The following PPP2R5A variants were observed in gnomAD, a reference collection of about 807,000 sequenced individuals.
The protein encoded by PPP2R5A is serine/threonine-protein phosphatase 2A 56 kDa regulatory subunit alpha isoform.
Under a neutral mutation model 64.2 loss-of-function variants are expected in PPP2R5A, and 25 were observed. That is an observed-to-expected ratio of 0.39 (90% confidence interval 0.28 to 0.54). The LOEUF is 0.54. PPP2R5A is among the 20% of genes least tolerant of loss of function. The pLI, the probability that PPP2R5A is intolerant of heterozygous loss-of-function variation, is 0.67. For missense variants in PPP2R5A, 425 were observed against 576.3 expected, an observed-to-expected ratio of 0.74 and a Z score of 2.69; for synonymous variants, 198 against 201.2, an observed-to-expected ratio of 0.98 and a Z score of 0.13.
intron 9 of PPP2R5A, 78 bp from the exon 10 acceptor site, chr1:212,356,872 A>G: frequency 7.4e-7 from 1 of 1,352,964 alleles, no homozygotes; most frequent in Non-Finnish European, 1.0e-6. Context: ...ATGCAGATTA[A>G]CCTTCTCATT....
intron 2 of PPP2R5A, among the ~76,000 whole-genome samples, chr1:212,330,498 A>G (rs1659484156): frequency 6.6e-6 from 1 of 151,924 alleles, no homozygotes; most frequent in African/African-American, 2.4e-5. Flanking sequence ...GAAGTGAGCC[A>G]TGATCACCAC....
chr1:212,357,660 G>A (rs533234798), intron 11 of PPP2R5A, among the ~76,000 whole-genome samples: 62 of 152,136 alleles, frequency 4.1e-4, no homozygotes, highest in Middle Eastern at 3.4e-3. Context: ...AAAATTAGCC[G>A]GGCGTGGTGG....
intron 1 of PPP2R5A, among the ~76,000 whole-genome samples, chr1:212,307,260 G>T (rs1467542326): frequency 2.8e-5 from 4 of 141,116 alleles, no homozygotes; most frequent in Admixed American, 1.4e-4. Context: ...ATTTTTGAGA[G>T]TTTTTTTTTT....
intron 3 of PPP2R5A, among the ~76,000 whole-genome samples, chr1:212,337,994 T>C (rs1411779170): frequency 6.6e-6 from 1 of 152,208 alleles, no homozygotes; most frequent in Admixed American, 6.5e-5. Flanking sequence ...TTGGAAAACA[T>C]TGGTCACCTG....
At chr1:212,343,293 G>C (rs1212810686) in intron 4 of PPP2R5A, among the ~76,000 whole-genome samples, 1 of 152,188 alleles carries the variant, frequency 6.6e-6, no homozygotes, top group Admixed American at 6.5e-5. Context: ...TGGCCCCAAA[G>C]AAAATTGTGA....
intron 1 of PPP2R5A, among the ~76,000 whole-genome samples, chr1:212,296,112 T>G (rs79388349): frequency 9.9e-5 from 15 of 151,344 alleles, no homozygotes; most frequent in Admixed American, 2.6e-4. Context: ...AATGAATTGT[T>G]TGGGAGGAGA....
chr1:212,336,420 T>C (rs7415843), intron 3 of PPP2R5A, among the ~76,000 whole-genome samples: 45,917 of 151,980 alleles, frequency 0.3, 7,436 homozygotes, highest in Non-Finnish European at 0.37. Context: ...CAGCCCAAAA[T>C]ACGATTTTTG....
At chr1:212,327,775 T>TAG (rs1217599987) in intron 1 of PPP2R5A, among the ~76,000 whole-genome samples, 1 of 151,574 alleles carries the variant, frequency 6.6e-6, no homozygotes, top group East Asian at 2.0e-4. Flanking sequence ...GAAAGAGAAG[T>TAG]AGAGAGAGAG....
At chr1:212,310,507 C>A (rs917549772) in intron 1 of PPP2R5A, among the ~76,000 whole-genome samples, 5 of 152,144 alleles carry the variant, frequency 3.3e-5, no homozygotes, top group Admixed American at 3.3e-4. Flanking sequence ...ACTTCTCCCC[C>A]ATCCCCCACA....
chr1:212,329,195 T>C lies in PPP2R5A; in HGVS notation c.242T>C (p.Leu81Pro). ...FCQKLQQCCI[L>P]FDFMDSVSDL... ...CAGAAGTTGCAGCAGTGTTGTATAC[T>C]GTTTGATTTCATGGACTCTGTTTCA... Residue 81 changes from leucine (L) to proline (P), a missense_variant, in exon 2 of 13, where the codon CTG becomes CCG. Around this residue, in one of 4 missense-constraint regions of PPP2R5A, gnomAD observed 140 missense variants for 204.4 expected, o/e 0.68. Coordinates refer to ENST00000261461, the MANE Select transcript of PPP2R5A (RefSeq NM_006243.4). The C allele has an allele frequency of 6.8e-6, 11 of 1,612,926 alleles. No homozygotes were observed. The highest frequency in any genetic ancestry group is 9.3e-6 in the Non-Finnish European group (11 of 1,179,546).
intron 3 of PPP2R5A, among the ~76,000 whole-genome samples, chr1:212,338,786 CAA>C (rs11375782): frequency 1.4e-5 from 2 of 142,494 alleles, no homozygotes; most frequent in Admixed American, 7.0e-5. Flanking sequence ...GACTCTGTCT[CAA>C]AAAAAAAAAA....
chr1:212,297,427 T>C (rs1658718126), intron 1 of PPP2R5A: 1 of 152,126 alleles, frequency 6.6e-6, no homozygotes, highest in Non-Finnish European at 1.5e-5. Flanking sequence ...ACGTTTCTTT[T>C]TGATAACTTG....
intron 1 of PPP2R5A, among the ~76,000 whole-genome samples, chr1:212,323,308 TC>T (rs1480890750): frequency 6.6e-6 from 1 of 152,230 alleles, no homozygotes; most frequent in Non-Finnish European, 1.5e-5. Context: ...CTCTCAGAAT[TC>T]GCTTCAAAGG....
At chr1:212,330,264 A>G (rs1659480545) in intron 2 of PPP2R5A, among the ~76,000 whole-genome samples, 1 of 152,062 alleles carries the variant, frequency 6.6e-6, no homozygotes, top group Admixed American at 6.6e-5. Flanking sequence ...TGGCTCGCTT[A>G]TGCTTGTAAA....
intron 3 of PPP2R5A, among the ~76,000 whole-genome samples, chr1:212,338,314 G>C (rs1218432411): frequency 6.6e-6 from 1 of 152,240 alleles, no homozygotes; most frequent in Non-Finnish European, 1.5e-5. Context: ...GGTATTTTTG[G>C]TGTACAGAAG....
chr1:212,358,560 GTTT>G (rs1385685934), intron 11 of PPP2R5A, 123 bp from the exon 12 acceptor site: 1 of 640,798 alleles, frequency 1.6e-6, no homozygotes. Flanking sequence ...TTGAGCCTCA[GTTT>G]TATCATCTCT....
At chr1:212,342,315 T>C in intron 4 of PPP2R5A, 35 bp downstream of exon 4, 1 of 1,595,642 alleles carries the variant, frequency 6.3e-7, no homozygotes, top group Non-Finnish European at 8.5e-7. Context: ...TCTCATATAT[T>C]CATCTTAGCA....
chr1:212,339,986 G>T (rs1659659514), intron 3 of PPP2R5A, among the ~76,000 whole-genome samples: 3 of 98,780 alleles, frequency 3.0e-5, no homozygotes, highest in African/African-American at 8.6e-5. Context: ...CTCAAGACAT[G>T]CTGCTTAAAA....
chr1:212,285,674 G>C lies in PPP2R5A; in HGVS notation c.-437G>C, dbSNP rs2102407206. ...TGAGAGGAGGCTCCAGGCAGGGCGGGCTGCGCTGGCAGCGGCCGCTGAGGT... is the reference window on the plus strand; with the variant it reads ...TGAGAGGAGGCTCCAGGCAGGGCGGCCTGCGCTGGCAGCGGCCGCTGAGGT... On this transcript the variant is annotated 5_prime_UTR_variant, in exon 1 of 13. Coordinates refer to ENST00000261461, the MANE Select transcript of PPP2R5A (RefSeq NM_006243.4). 6.4e-6 allele frequency: 1 copy of C among 155,462 alleles called. No homozygotes were observed. Among genetic ancestry groups the C allele is most frequent in the East Asian group, 1.9e-4 (1 of 5,320 alleles). 9.6% of individuals were successfully genotyped at this position (155,462 alleles called of 1,614,324 possible).
Sources: allele counts gnomAD v4.1 joint callset (sites outside exome capture counted in the v4.1 genomes callset), GRCh38; gene constraint gnomAD v4.1.1; regional missense constraint gnomAD v4.1.1; transcripts MANE v1.5; gene names NCBI Gene and HGNC (gene_info 2026-07-23, HGNC 2026-07-21).